The following TGFA variants were observed in gnomAD, a reference collection of about 807,000 sequenced individuals.
TGFA encodes protransforming growth factor alpha.
TGFA carries 12 observed loss-of-function variants against 21.7 expected under a neutral mutation model. The ratio of observed to expected loss-of-function variants is 0.55; its 90% CI spans 0.35 to 0.90. The LOEUF is 0.90. TGFA is among the 40% of genes least tolerant of loss of function. The pLI is 0.01. For synonymous variants in TGFA, 79 were observed against 88.1 expected (o/e 0.90, Z 0.58); for missense variants, 178 against 210.8 (o/e 0.84, Z 0.96).
At chr2:70,451,204 T>C (rs1288096061) in intron 5 of TGFA, among the ~76,000 whole-genome samples, 2 of 152,116 alleles carry the variant, frequency 1.3e-5, no homozygotes, top group Admixed American at 6.5e-5. Context: ...AGGGGTGGCT[T>C]GGTGGGCAGC....
At chr2:70,539,813 T>G (rs375818422) in intron 1 of TGFA, among the ~76,000 whole-genome samples, 3 of 152,216 alleles carry the variant, frequency 2.0e-5, no homozygotes, top group African/African-American at 7.2e-5. Flanking sequence ...TGTTTTAATA[T>G]AGAAAACAAT....
chr2:70,482,657 G>T (rs146225615), intron 2 of TGFA, among the ~76,000 whole-genome samples: 1 of 152,042 alleles, frequency 6.6e-6, no homozygotes, highest in Non-Finnish European at 1.5e-5. Flanking sequence ...TATTATAAAT[G>T]TGTCACTGTT....
At chr2:70,472,574 A>G (rs960298796) in intron 2 of TGFA, among the ~76,000 whole-genome samples, 2 of 152,160 alleles carry the variant, frequency 1.3e-5, no homozygotes, top group Admixed American at 1.3e-4. Context: ...CATCCAATTC[A>G]CAGGAGGGGT....
intron 2 of TGFA, among the ~76,000 whole-genome samples, chr2:70,472,759 A>C (rs781906247): frequency 6.6e-6 from 1 of 152,220 alleles, no homozygotes; most frequent in South Asian, 2.1e-4. Context: ...GTGGCTCTTA[A>C]CTCTCTTCCC....
At chr2:70,452,594 C>G (rs1386338575) in intron 5 of TGFA, among the ~76,000 whole-genome samples, 2 of 152,078 alleles carry the variant, frequency 1.3e-5, no homozygotes, top group Non-Finnish European at 2.9e-5. Flanking sequence ...ATACACTATA[C>G]TAGGTATTTT....
chr2:70,507,838 A>G lies in TGFA; in HGVS notation c.94+7021T>C, dbSNP rs957628806. On this transcript the variant is annotated intron_variant, in intron 2 of 5. Coordinates refer to ENST00000295400, the MANE Select transcript of TGFA (RefSeq NM_003236.4). ...AAGGCCCTGATTTACCTAACCCCAT[A>G]CTCTCCATTTCTTTGCTAAAGCATC... Among the ~76,000 whole-genome samples, 4 of 151,998 alleles carry G rather than the reference A, an allele frequency of 2.6e-5. No homozygotes were observed. The East Asian group carries it at 7.7e-4, about 29-fold the overall frequency.
chr2:70,495,504 T>C (rs1353956788), intron 2 of TGFA, among the ~76,000 whole-genome samples: 5 of 152,170 alleles, frequency 3.3e-5, no homozygotes, highest in African/African-American at 9.7e-5. Flanking sequence ...GGAAGAACAG[T>C]TCTATAACCT....
At chr2:70,537,480 T>C (rs575343574) in intron 1 of TGFA, among the ~76,000 whole-genome samples, 1 of 152,300 alleles carries the variant, frequency 6.6e-6, no homozygotes, top group African/African-American at 2.4e-5. Context: ...ATTAGCTAAC[T>C]TGTGAATGCG....
At chr2:70,530,052 G>A (rs1422111539) in intron 1 of TGFA, among the ~76,000 whole-genome samples, 4 of 152,168 alleles carry the variant, frequency 2.6e-5, no homozygotes, top group African/African-American at 9.7e-5. Flanking sequence ...CCTAGGCTAT[G>A]TTCAACCTCC....
At chr2:70,517,916 T>G (rs1019661756) in intron 1 of TGFA, among the ~76,000 whole-genome samples, 1 of 152,250 alleles carries the variant, frequency 6.6e-6, no homozygotes, top group Non-Finnish European at 1.5e-5. Flanking sequence ...GGCAAAGGTA[T>G]GAGCACCCAG....
chr2:70,475,746 G>A (rs1670901360), intron 2 of TGFA, among the ~76,000 whole-genome samples: 1 of 152,150 alleles, frequency 6.6e-6, no homozygotes, highest in African/African-American at 2.4e-5. Context: ...CATGTTAAGT[G>A]CAGGCTAAAA....
intron 1 of TGFA, among the ~76,000 whole-genome samples, chr2:70,539,312 CA>C (rs1245444993): frequency 3.3e-5 from 5 of 152,092 alleles, no homozygotes; most frequent in African/African-American, 1.2e-4. Context: ...ACTTTTCCAT[CA>C]AAACCCCCGT....
intron 3 of TGFA, among the ~76,000 whole-genome samples, chr2:70,459,629 G>C (rs558082681): frequency 6.6e-6 from 1 of 152,312 alleles, no homozygotes; most frequent in East Asian, 1.9e-4. Context: ...AATGCACCAA[G>C]GGAGATAACC....
At chr2:70,514,997 C>G (rs1672228718) in intron 1 of TGFA, 85 bp from the exon 2 acceptor site, 2 of 1,308,674 alleles carry the variant, frequency 1.5e-6, no homozygotes, top group African/African-American at 2.9e-5. Flanking sequence ...GGCCCTTTGA[C>G]AGGCAAAGGT....
At chr2:70,493,776 G>C (rs1230715755) in intron 2 of TGFA, among the ~76,000 whole-genome samples, 1 of 152,226 alleles carries the variant, frequency 6.6e-6, no homozygotes, top group African/African-American at 2.4e-5. Flanking sequence ...CCTTAGTGAT[G>C]AAGAAAAGGA....
chr2:70,474,969 C>CGTGTGTGTGTGT lies in TGFA; in HGVS notation c.95-9245_95-9234dup, dbSNP rs57147767. Among the ~76,000 whole-genome samples the CGTGTGTGTGTGT allele has an allele frequency of 1.1e-3, 160 of 147,690 alleles. 1 individual carries two copies. Among genetic ancestry groups the CGTGTGTGTGTGT allele is most frequent in the Middle Eastern group, 3.4e-3 (1 of 290 alleles). On this transcript the variant is annotated intron_variant, in intron 2 of 5. Transcript: ENST00000295400. ...TACTGGTTATTGATAACACAGCAGC[C>CGTGTGTGTGTGT]GTGTGTGTGTGTGTGTGTGTGTGTG...
At chr2:70,532,028 T>TC (rs1672825242) in intron 1 of TGFA, among the ~76,000 whole-genome samples, 1 of 152,232 alleles carries the variant, frequency 6.6e-6, no homozygotes, top group East Asian at 1.9e-4. Flanking sequence ...GTGGATTCTT[T>TC]TCCCCCCAGT....
At chr2:70,553,544 G>A (rs548491324) in intron 1 of TGFA, 184 bp downstream of exon 1, 67 of 1,370,434 alleles carry the variant, frequency 4.9e-5, no homozygotes, top group South Asian at 4.7e-4. Context: ...CGCTCGACCG[G>A]ACAGTCCCCT....
chr2:70,452,745 C>T (rs1670096289), intron 5 of TGFA, among the ~76,000 whole-genome samples: 1 of 152,090 alleles, frequency 6.6e-6, no homozygotes, highest in South Asian at 2.1e-4. Context: ...AGTTTGAGAC[C>T]AGCCTGGCCA....
Sources: allele counts gnomAD v4.1 joint callset (sites outside exome capture counted in the v4.1 genomes callset), GRCh38; gene constraint gnomAD v4.1.1; transcripts MANE v1.5; gene names NCBI Gene and HGNC (gene_info 2026-07-23, HGNC 2026-07-21).